The following FANCA variants were observed in gnomAD, a reference collection of about 807,000 sequenced individuals.
FANCA encodes the protein Fanconi anemia group A protein.
Under a neutral mutation model 194.3 loss-of-function variants are expected in FANCA, and 236 were observed. The observed-to-expected ratio is 1.21, with a 90% confidence interval of 1.09 to 1.35. The LOEUF (loss-of-function observed/expected upper bound fraction) is 1.35, where lower values mean the gene tolerates loss of function less well. FANCA is among the 40% of genes most tolerant of loss of function. FANCA has a pLI of 0.00. For synonymous variants in FANCA, 1,014 were observed against 715.8 expected, an observed-to-expected ratio of 1.42 and a Z score of -6.65; for missense variants, 2,628 against 1,813.9, an observed-to-expected ratio of 1.45 and a Z score of -8.15.
intron 23 of FANCA, among the ~76,000 whole-genome samples, chr16:89,771,232 A>G (rs2039315252): frequency 6.6e-6 from 1 of 151,850 alleles, no homozygotes; most frequent in African/African-American, 2.4e-5. Flanking sequence ...GCTGAGGCAG[A>G]CAGATCACTT....
rs1032990637 is a variant in FANCA, at chr16:89,779,894, T to G, written c.1690A>C (p.Ile564Leu). ...AIMVFEHTGN[I>L]PVTVMEASIF... Reference sequence around the variant, plus strand: ...CTGGCCTCCATGACGGTGACTGGGATGTTCCCCGTATGCTCAAACACCATG... The same window carrying G: ...CTGGCCTCCATGACGGTGACTGGGAGGTTCCCCGTATGCTCAAACACCATG... The change falls in exon 18 of 43, where the codon ATC becomes CTC. Residue 564 changes from isoleucine to leucine, a missense_variant. Coordinates refer to ENST00000389301, the MANE Select transcript of FANCA (RefSeq NM_000135.4). The G allele has an allele frequency of 1.9e-6, 3 of 1,613,866 alleles. No homozygotes were observed. The highest frequency in any genetic ancestry group is 1.7e-4 in the Middle Eastern group (1 of 5,870).
chr16:89,807,945 C>T (rs966980619), intron 6 of FANCA, among the ~76,000 whole-genome samples: 19 of 152,072 alleles, frequency 1.2e-4, no homozygotes, highest in African/African-American at 3.6e-4. Flanking sequence ...GTAATCCCAG[C>T]GACTTGGGAG....
Position 89,792,016 on chromosome 16 carries a change from A to C in FANCA, c.1136T>G (p.Leu379Arg). ...CTGCCAGTGAACCTCCTGCGTTTCCAGAACTTCTTGCAAATGGCCAACCAA... is the reference window on the plus strand; with the variant it reads ...CTGCCAGTGAACCTCCTGCGTTTCCCGAACTTCTTGCAAATGGCCAACCAA... ...EELVGHLQEV[L>R]ETQEVHWQRV... The change falls in exon 13 of 43, where the codon CTG becomes CGG. Residue 379 changes from leucine (L) to arginine (R), a missense_variant. Leu to Arg is a moderately radical substitution (Grantham distance 102). Coordinates refer to ENST00000389301, the MANE Select transcript of FANCA (RefSeq NM_000135.4). The C allele has an allele frequency of 6.2e-7, 1 of 1,614,238 alleles. No homozygotes were observed. Among genetic ancestry groups the C allele is most frequent in the Non-Finnish European group, 8.5e-7 (1 of 1,180,026 alleles).
intron 41 of FANCA, 43 bp from the exon 42 acceptor site, chr16:89,739,017 G>C (rs748472421): frequency 2.4e-5 from 39 of 1,614,076 alleles, no homozygotes; most frequent in Admixed American, 3.3e-5. Flanking sequence ...AAGACATACA[G>C]AAACAGGGCT....
intron 14 of FANCA, among the ~76,000 whole-genome samples, chr16:89,789,507 C>T (rs2040000968): frequency 6.8e-6 from 1 of 147,280 alleles, no homozygotes; most frequent in East Asian, 2.0e-4. Context: ...GTAATGCAAT[C>T]CCAGCTCAAT....
intron 28 of FANCA, among the ~76,000 whole-genome samples, chr16:89,763,184 T>C (rs1035117127): frequency 6.6e-6 from 1 of 151,928 alleles, no homozygotes. Context: ...AAGGCTGAGG[T>C]TGCAGTGACC....
At chr16:89,781,403 G>A (rs1347335214) in intron 17 of FANCA, among the ~76,000 whole-genome samples, 1 of 144,540 alleles carries the variant, frequency 6.9e-6, no homozygotes, top group East Asian at 2.1e-4. Context: ...GCTGGGCACA[G>A]TGGCTCATGC....
rs2062015213 is a variant in FANCA, at chr16:89,738,229, A to G, written c.*372T>C. ...TGTGACCACAGAGGGCCAGGCGGTGAAGCCCGAACCCACCTGAGGACGGCA... is the reference window on the plus strand; with the variant it reads ...TGTGACCACAGAGGGCCAGGCGGTGGAGCCCGAACCCACCTGAGGACGGCA... On this transcript the variant is annotated 3_prime_UTR_variant, in exon 43 of 43. Transcript: ENST00000389301. The G allele has an allele frequency of 6.2e-7, 1 of 1,606,280 alleles. No homozygotes were observed. The highest frequency in any genetic ancestry group is 1.7e-5 in the Admixed American group (1 of 58,788).
chr16:89,808,591 C>T (rs1185634780), intron 5 of FANCA, among the ~76,000 whole-genome samples: 3 of 152,148 alleles, frequency 2.0e-5, no homozygotes. Context: ...ACACCGTTGC[C>T]CAACACTTGC....
At chr16:89,792,177 C>A (rs2040099054) in intron 12 of FANCA, 109 bp from the exon 13 acceptor site, 1 of 1,294,694 alleles carries the variant, frequency 7.7e-7, no homozygotes, top group Non-Finnish European at 1.1e-6. Context: ...TCACTTCCCA[C>A]TGCAAAGGTA....
At chr16:89,806,972 C>CG (rs930336206) in intron 6 of FANCA, among the ~76,000 whole-genome samples, 1 of 152,032 alleles carries the variant, frequency 6.6e-6, no homozygotes, top group African/African-American at 2.4e-5. Context: ...GCTGGCCGGG[C>CG]GGGGGGCTGA....
Position 89,792,508 on chromosome 16 carries a change from G to A in FANCA, c.1046C>T (p.Ala349Val), listed in dbSNP as rs142620413. 2.9e-5 allele frequency: 46 copies of A among 1,613,354 alleles called. No individual in the cohort carries two copies. Among genetic ancestry groups the A allele is most frequent in the Middle Eastern group, 1.8e-4 (1 of 5,560 alleles). Residue 349 changes from alanine (A) to valine (V), a missense_variant, in exon 12 of 43, where the codon GCG becomes GTG. Coordinates refer to ENST00000389301, the MANE Select transcript of FANCA (RefSeq NM_000135.4). ...AVQMQREWSF[A>V]RTHPLLTSLY... ...TGAGGTGAGCAGAGGGTGTGTCCGC[G>A]CAAAGCTCCACTCTCTCTGCATCTG...
At chr16:89,779,372 T>C (rs2039624499) in intron 18 of FANCA, among the ~76,000 whole-genome samples, 1 of 152,086 alleles carries the variant, frequency 6.6e-6, no homozygotes, top group Non-Finnish European at 1.5e-5. Context: ...GAATTCAAGA[T>C]GTTTTGAGAT....
chr16:89,801,210 G>C (rs150248936), intron 8 of FANCA, among the ~76,000 whole-genome samples: 2 of 151,710 alleles, frequency 1.3e-5, no homozygotes, highest in African/African-American at 4.8e-5. Flanking sequence ...CGGGAGTGGT[G>C]GTGGGCGCCT....
At chr16:89,775,964 A>G in intron 20 of FANCA, 149 bp from the exon 21 acceptor site, 1 of 388,346 alleles carries the variant, frequency 2.6e-6, no homozygotes, top group Non-Finnish European at 4.6e-6. Flanking sequence ...TTTACAAAAA[A>G]ATATTAAAAA....
chr16:89,787,873 A>G (rs2039948913), intron 14 of FANCA, among the ~76,000 whole-genome samples: 1 of 151,930 alleles, frequency 6.6e-6, no homozygotes, highest in Admixed American at 6.6e-5. Context: ...TAAAAGTAAA[A>G]AAAAAAAATT....
intron 14 of FANCA, among the ~76,000 whole-genome samples, chr16:89,788,979 G>A (rs990158071): frequency 2.0e-5 from 3 of 151,902 alleles, no homozygotes; most frequent in Admixed American, 6.6e-5. Flanking sequence ...CCCAACTGTC[G>A]CCTCTGGAAC....
intron 8 of FANCA, 72 bp from the exon 9 acceptor site, chr16:89,799,710 A>C: frequency 7.9e-7 from 1 of 1,265,220 alleles, no homozygotes; most frequent in Non-Finnish European, 1.2e-6. Context: ...ATCACACAAG[A>C]GAATTATTAC....
chr16:89,774,044 C>T (rs574546245), intron 21 of FANCA, among the ~76,000 whole-genome samples: 4 of 152,190 alleles, frequency 2.6e-5, no homozygotes, highest in East Asian at 1.9e-4. Flanking sequence ...GCTGGGATTA[C>T]GGGCATGAGC....
Sources: allele counts gnomAD v4.1 joint callset (sites outside exome capture counted in the v4.1 genomes callset), GRCh38; gene constraint gnomAD v4.1.1; transcripts MANE v1.5; gene names NCBI Gene and HGNC (gene_info 2026-07-23, HGNC 2026-07-21).